The following PARN variants were observed in gnomAD, a reference collection of about 807,000 sequenced individuals.
PARN encodes the protein poly(A)-specific ribonuclease.
In PARN, 71 loss-of-function variants were observed where a neutral mutation model predicts 102.8. The ratio of observed to expected loss-of-function variants is 0.69; its 90% CI spans 0.57 to 0.84. The LOEUF (loss-of-function observed/expected upper bound fraction) is 0.84. PARN is among the 40% of genes least tolerant of loss of function. The probability of loss-of-function intolerance (pLI) is 0.00; values close to 1 mark genes in which losing one functional copy is unlikely to be tolerated. For missense variants in PARN, 782 were observed against 760.9 expected (o/e 1.03, Z -0.33); for synonymous variants, 261 against 252.9 (o/e 1.03, Z -0.30).
At chr16:14,606,809 T>G (rs1971217239) in intron 9 of PARN, among the ~76,000 whole-genome samples, 1 of 148,540 alleles carries the variant, frequency 6.7e-6, no homozygotes, top group Non-Finnish European at 1.5e-5. Context: ...GAGACAAGAG[T>G]CTCTCTCTGT....
intron 21 of PARN, among the ~76,000 whole-genome samples, chr16:14,499,665 G>A (rs1055270003): frequency 6.6e-6 from 1 of 151,616 alleles, no homozygotes; most frequent in Non-Finnish European, 1.5e-5. Flanking sequence ...AACATTCATT[G>A]TAAAAACCAA....
At chr16:14,557,655 G>A (rs138347908) in intron 18 of PARN, among the ~76,000 whole-genome samples, 3 of 151,442 alleles carry the variant, frequency 2.0e-5, no homozygotes, top group Admixed American at 6.6e-5. Flanking sequence ...CAGAAAAAAC[G>A]AAGTCATAGT....
intron 21 of PARN, among the ~76,000 whole-genome samples, chr16:14,528,513 A>T (rs1966131422): frequency 6.6e-6 from 1 of 152,224 alleles, no homozygotes; most frequent in Non-Finnish European, 1.5e-5. Context: ...GATCATACAA[A>T]CACCAAGAGC....
Position 14,586,328 on chromosome 16 carries a change from C to T in PARN, c.952G>A (p.Val318Ile). ...TCAAAGAAAGCTTACCTGGGGAAAACACATGTTGTCATCTCTTTAAACTCA... is the reference window on the plus strand; with the variant it reads ...TCAAAGAAAGCTTACCTGGGGAAAATACATGTTGTCATCTCTTTAAACTCA... ...LSEFKEMTTCVFPRLLDTKLM... is the reference protein window; with the variant it reads ...LSEFKEMTTCIFPRLLDTKLM... The change falls in exon 14 of 24, where the codon GTT becomes ATT. Residue 318 changes from valine to isoleucine, a missense_variant. Val to Ile is a conservative substitution (Grantham distance 29). Coordinates refer to ENST00000437198, the MANE Select transcript of PARN (RefSeq NM_002582.4). 1.3e-6 allele frequency: 2 copies of T among 1,550,858 alleles called. 1 individual carries two copies.
At chr16:14,595,561 C>T (rs1019715541) in intron 12 of PARN, among the ~76,000 whole-genome samples, 12 of 152,126 alleles carry the variant, frequency 7.9e-5, no homozygotes, top group African/African-American at 2.9e-4. Context: ...GAAATGCAGT[C>T]TTGCTCTGTT....
chr16:14,470,033 GA>G (rs1962622259), intron 22 of PARN, among the ~76,000 whole-genome samples: 1 of 152,130 alleles, frequency 6.6e-6, no homozygotes, highest in Non-Finnish European at 1.5e-5. Context: ...CACATTGTTA[GA>G]AACATAGATG....
chr16:14,515,245 G>A (rs959875008), intron 21 of PARN, among the ~76,000 whole-genome samples: 2 of 151,998 alleles, frequency 1.3e-5, no homozygotes, highest in African/African-American at 4.8e-5. Flanking sequence ...TGAGTAGCTG[G>A]GACTATAAGC....
chr16:14,488,199 A>T (rs1320392486), intron 21 of PARN, among the ~76,000 whole-genome samples: 1 of 152,196 alleles, frequency 6.6e-6, no homozygotes, highest in East Asian at 1.9e-4. Flanking sequence ...GGGAAAAAAA[A>T]AGAAATTGGA....
At chr16:14,459,432 G>C (rs1285363350) in intron 22 of PARN, among the ~76,000 whole-genome samples, 1 of 152,116 alleles carries the variant, frequency 6.6e-6, no homozygotes, top group East Asian at 1.9e-4. Context: ...AGATCAAAAG[G>C]TAAAATACTA....
chr16:14,545,814 T>C (rs1051177508), intron 21 of PARN, among the ~76,000 whole-genome samples: 4 of 152,210 alleles, frequency 2.6e-5, no homozygotes, highest in Non-Finnish European at 5.9e-5. Flanking sequence ...GATATTAATA[T>C]GTTGACCTAC....
At chr16:14,627,736 C>A (rs958872435) in intron 3 of PARN, among the ~76,000 whole-genome samples, 2 of 152,098 alleles carry the variant, frequency 1.3e-5, no homozygotes, top group African/African-American at 2.4e-5. Context: ...ACCTGTAATC[C>A]CAGCACTTTG....
At chr16:14,484,703 C>A (rs866570502) in intron 21 of PARN, among the ~76,000 whole-genome samples, 2 of 152,156 alleles carry the variant, frequency 1.3e-5, no homozygotes, top group Non-Finnish European at 2.9e-5. Context: ...CCACATCCGG[C>A]ACCTGACACA....
intron 21 of PARN, among the ~76,000 whole-genome samples, chr16:14,485,525 T>A (rs555175943): frequency 2.0e-5 from 3 of 152,214 alleles, no homozygotes; most frequent in African/African-American, 7.2e-5. Flanking sequence ...TGTCACTCCC[T>A]AAGCTTGTGA....
intron 21 of PARN, among the ~76,000 whole-genome samples, chr16:14,489,431 G>C (rs1282643499): frequency 8.7e-6 from 1 of 114,882 alleles, no homozygotes; most frequent in Non-Finnish European, 1.7e-5. Flanking sequence ...GCGACAGAGA[G>C]AGACTCAAAA....
intron 21 of PARN, among the ~76,000 whole-genome samples, chr16:14,526,017 C>T (rs1212538086): frequency 6.6e-6 from 1 of 151,950 alleles, no homozygotes; most frequent in East Asian, 1.9e-4. Flanking sequence ...GGGGTTTCAC[C>T]ATGTTGGCCA....
chr16:14,477,570 G>A (rs2151591206), intron 22 of PARN, among the ~76,000 whole-genome samples: 1 of 151,932 alleles, frequency 6.6e-6, no homozygotes, highest in South Asian at 2.1e-4. Context: ...GAGGTCAGGA[G>A]TTCGAGACCA....
rs1972417452 is a variant in PARN, at chr16:14,623,054, T to C, written c.327+4052A>G. The stretch of plus-strand genomic sequence containing the variant: ...GTGAGGTCAAGGCTGCAGTGAGCCA[T>C]GACAACATCACTGCACTCTAGCCTT... On this transcript the variant is annotated intron_variant, in intron 5 of 23. Coordinates refer to ENST00000437198, the MANE Select transcript of PARN (RefSeq NM_002582.4). Among the ~76,000 whole-genome samples the C allele has an allele frequency of 2.0e-5, 3 of 148,134 alleles. No individual in the cohort carries two copies. The South Asian group carries it at 6.4e-4, about 32-fold the overall frequency.
chr16:14,568,767 C>T (rs149114864), intron 18 of PARN, among the ~76,000 whole-genome samples: 1,592 of 151,766 alleles, frequency 0.01, 22 homozygotes, highest in African/African-American at 0.037. Flanking sequence ...TGGTGGCACG[C>T]GCCTGTAGTC....
Position 14,463,838 on chromosome 16 carries a change from T to G in PARN, c.1671-16757A>C, listed in dbSNP as rs75753507. On this transcript the variant is annotated intron_variant, in intron 22 of 23. Transcript: ENST00000437198. Reference sequence around the variant, plus strand: ...TGAAAAAAGTCCAAACTTTTTTTTTTGGGGGGGGGGGGACGACAAGGTCTC... The same window carrying G: ...TGAAAAAAGTCCAAACTTTTTTTTTGGGGGGGGGGGGGACGACAAGGTCTC... Among the ~76,000 whole-genome samples the G allele has an allele frequency of 5.8e-3, 546 of 94,908 alleles. 2 individuals are homozygous for G. Among genetic ancestry groups the G allele is most frequent in the African/African-American group, 0.014 (331 of 24,464 alleles). 62.3% of individuals were successfully genotyped at this position (94,908 alleles called of 152,430 possible). A position where few individuals can be genotyped will look rare whatever the true frequency, so the allele number is the denominator to read the frequency against.
Sources: allele counts gnomAD v4.1 joint callset (sites outside exome capture counted in the v4.1 genomes callset), GRCh38; gene constraint gnomAD v4.1.1; transcripts MANE v1.5; gene names NCBI Gene and HGNC (gene_info 2026-07-23, HGNC 2026-07-21).